Variants in FLNB observed in about 807,000 individuals in gnomAD.
FLNB encodes the protein filamin-B.
Under a neutral mutation model 250.6 loss-of-function variants are expected in FLNB, and 111 were observed. The observed-to-expected ratio is 0.44, with a 90% CI of 0.38 to 0.52. FLNB has a LOEUF of 0.52. Among genes scored for constraint, FLNB ranks in the 20% least tolerant of loss-of-function variants. The pLI is 0.00. For missense variants in FLNB, 2,869 were observed against 3,447.8 expected (o/e 0.83, Z 4.20); for synonymous variants, 1,302 against 1,372.1 (o/e 0.95, Z 1.13).
chr3:58,096,281 C>T, intron 6 of FLNB, 63 bp downstream of exon 6: 2 of 1,142,336 alleles, frequency 1.8e-6, no homozygotes, highest in Non-Finnish European at 2.6e-6. Flanking sequence ...AAAGATAGCC[C>T]AGGAAGAAGA....
intron 19 of FLNB, among the ~76,000 whole-genome samples, chr3:58,119,406 C>T (rs768941113): frequency 6.6e-5 from 10 of 152,184 alleles, no homozygotes; most frequent in Non-Finnish European, 1.2e-4. Flanking sequence ...CAACTGAATC[C>T]GCACTAAGGT....
intron 1 of FLNB, among the ~76,000 whole-genome samples, chr3:58,069,371 C>G (rs2097190864): frequency 6.6e-6 from 1 of 151,332 alleles, no homozygotes; most frequent in Admixed American, 6.6e-5. Flanking sequence ...TCCCAAGTAG[C>G]TGGGATTACA....
At chr3:58,132,705 C>T in intron 25 of FLNB, 103 bp from the exon 26 acceptor site, 2 of 1,478,026 alleles carry the variant, frequency 1.4e-6, no homozygotes, top group Non-Finnish European at 1.9e-6. Context: ...TCAGTGGAAA[C>T]CAATAGCTCT....
chr3:58,101,182 A>G (rs1452509479), intron 8 of FLNB, among the ~76,000 whole-genome samples: 8 of 152,178 alleles, frequency 5.3e-5, no homozygotes, highest in African/African-American at 1.9e-4. Flanking sequence ...TTGTTTGCCA[A>G]ATAGCCAGCT....
At chr3:58,078,437 G>A in intron 2 of FLNB, 7 of 1,534,446 alleles carry the variant, frequency 4.6e-6, no homozygotes, top group Non-Finnish European at 4.4e-6. Flanking sequence ...TCCAAGCTTT[G>A]TTTATTTTTT....
Position 58,148,370 on chromosome 3 carries a change from C to G in FLNB, c.5887+6C>G. ...GCTGCCCAACAACCACATTGGTGAG[C>G]TAGGCTACCCTTCCTGGCTGGAGCC... On this transcript the variant is annotated splice_donor_region_variant and intron_variant, in intron 35 of 45. Coordinates refer to ENST00000295956, the MANE Select transcript of FLNB (RefSeq NM_001457.4). 6.2e-7 allele frequency: 1 copy of G among 1,612,598 alleles called. No homozygotes were observed. Among genetic ancestry groups the G allele is most frequent in the South Asian group, 1.1e-5 (1 of 90,774 alleles).
intron 20 of FLNB, among the ~76,000 whole-genome samples, 179 bp from the exon 21 acceptor site, chr3:58,122,914 C>T (rs1259646285): frequency 1.3e-5 from 2 of 152,178 alleles, no homozygotes; most frequent in African/African-American, 4.8e-5. Context: ...AGTTCTGAGG[C>T]ATTTGCTGCA....
chr3:58,123,782 G>T, intron 21 of FLNB, 92 bp downstream of exon 21: 1 of 1,089,628 alleles, frequency 9.2e-7, no homozygotes, highest in Non-Finnish European at 1.3e-6. Context: ...TCAGCCACCT[G>T]CAGGAGCCAG....
chr3:58,070,825 A>G (rs2097193301), intron 1 of FLNB, among the ~76,000 whole-genome samples: 1 of 151,512 alleles, frequency 6.6e-6, no homozygotes, highest in Non-Finnish European at 1.5e-5. Flanking sequence ...ACGCCCAGCA[A>G]ATTTTTAGAA....
chr3:58,147,964 G>A (rs957441822), intron 34 of FLNB, among the ~76,000 whole-genome samples: 7 of 152,198 alleles, frequency 4.6e-5, no homozygotes, highest in African/African-American at 1.7e-4. Context: ...CCTTTAAAAT[G>A]TGGTCCATGA....
chr3:58,038,764 T>G lies in FLNB; in HGVS notation c.292+29908T>G, dbSNP rs556146994. Among the ~76,000 whole-genome samples, 3 of 152,248 alleles carry G rather than the reference T, an allele frequency of 2.0e-5. No individual in the cohort carries two copies. In the East Asian group the frequency reaches 5.8e-4, roughly 29 times the overall value. ...TTCTGCCCATGCACCTCCTTAGCTC[T>G]GGCAGTTACTACTTGCAGGCATCTC... On this transcript the variant is annotated intron_variant, in intron 1 of 45. Coordinates refer to ENST00000295956, the MANE Select transcript of FLNB (RefSeq NM_001457.4).
intron 1 of FLNB, among the ~76,000 whole-genome samples, chr3:58,044,839 CATGAAT>C: frequency 6.6e-6 from 1 of 152,308 alleles, no homozygotes; most frequent in African/African-American, 2.4e-5. Flanking sequence ...GTCTGAGAGG[CATGAAT>C]GAGAATTTCC....
Position 58,148,228 on chromosome 3 carries a change from G to A in FLNB, c.5751G>A (p.Gln1917=), listed in dbSNP as rs2097338993. 1 of 1,614,238 alleles carries A rather than the reference G, an allele frequency of 6.2e-7. No homozygotes were observed. Among genetic ancestry groups the A allele is most frequent in the Non-Finnish European group, 8.5e-7 (1 of 1,180,042 alleles). ...KITDDSRRCS[Q]VKLGSAADFL... ...CAGATGACAGCAGGCGGTGCTCCCA[G>A]GTGAAGTTGGGCTCAGCCGCTGACT... The change falls in exon 35 of 46, where the codon CAG becomes CAA. Residue 1917 remains glutamine, a synonymous_variant. Transcript: ENST00000295956.
At position 58,169,321 on chromosome 3, in the gene FLNB, AG is replaced by A; in HGVS notation, c.7418-264del. ...TTCCACAGGCACATCTTTGGTGGGT[AG>A]GGGGTGGGGGGATTGGGAGGGTCCT... On this transcript the variant is annotated intron_variant, in intron 44 of 45. Coordinates refer to ENST00000295956, the MANE Select transcript of FLNB (RefSeq NM_001457.4). The surrounding 1 kb of genome is among the most constrained non-coding windows in gnomAD (Gnocchi z 4.8). The A allele has an allele frequency of 2.1e-6, 1 of 472,578 alleles. No homozygotes were observed. Among genetic ancestry groups the A allele is most frequent in the Non-Finnish European group, 3.8e-6 (1 of 262,988 alleles). 29.3% of individuals were successfully genotyped at this position (472,578 alleles called of 1,614,324 possible). A position where few individuals can be genotyped will look rare whatever the true frequency, so the allele number is the denominator to read the frequency against.
chr3:58,098,570 T>TGATC, intron 7 of FLNB, 141 bp from the exon 8 acceptor site: 1 of 713,288 alleles, frequency 1.4e-6, no homozygotes, highest in South Asian at 1.7e-5. Flanking sequence ...TGACCTCAAG[T>TGATC]GATCTACCCA....
intron 28 of FLNB, among the ~76,000 whole-genome samples, chr3:58,136,723 A>G (rs1397580176): frequency 1.4e-5 from 2 of 145,130 alleles, no homozygotes; most frequent in Non-Finnish European, 3.0e-5. Flanking sequence ...CTAAGACACA[A>G]CTATTGACTG....
At chr3:58,049,747 G>A (rs1430589857) in intron 1 of FLNB, among the ~76,000 whole-genome samples, 2 of 152,166 alleles carry the variant, frequency 1.3e-5, no homozygotes, top group African/African-American at 4.8e-5. Flanking sequence ...TTGCTCTCGG[G>A]GAACACTCCA....
intron 12 of FLNB, among the ~76,000 whole-genome samples, chr3:58,107,144 C>G (rs973966442): frequency 6.6e-6 from 1 of 152,162 alleles, no homozygotes; most frequent in African/African-American, 2.4e-5. Flanking sequence ...ATTCTCGTGC[C>G]TTAGCCTCCC....
At chr3:58,111,646 A>T in intron 16 of FLNB, 145 bp from the exon 17 acceptor site, 1 of 681,484 alleles carries the variant, frequency 1.5e-6, no homozygotes, top group East Asian at 2.8e-5. Context: ...GGCTTATCTT[A>T]CCCTTCTGTT....
Sources: gnomAD v4.1 joint callset for allele counts (sites outside exome capture counted in the v4.1 genomes callset) on GRCh38, gnomAD v4.1.1 for gene constraint, Gnocchi (gnomAD v3.1) non-coding constraint, MANE v1.5 for transcripts, NCBI Gene and HGNC (gene_info 2026-07-23, HGNC 2026-07-21) for gene names.